XYLT1: variants seen among roughly 807,000 people sequenced by gnomAD.
XYLT1 encodes beta-D-xylosyltransferase 1.
XYLT1 carries 36 observed loss-of-function variants against 91.3 expected under a neutral mutation model. That is an observed-to-expected ratio of 0.39 (90% CI 0.30 to 0.52). The LOEUF (loss-of-function observed/expected upper bound fraction) is 0.52. Among genes scored for constraint, XYLT1 ranks in the 20% least tolerant of loss-of-function variants. XYLT1 has a pLI of 0.68. For missense variants in XYLT1, 1,242 were observed against 1,284.5 expected (o/e 0.97, Z 0.51); for synonymous variants, 588 against 532.0 (o/e 1.11, Z -1.45).
rs73523022 is a variant in XYLT1 at position 17,338,675 on chromosome 16, A to T, written c.402+19337T>A. On this transcript the variant is annotated intron_variant, in intron 2 of 11. Coordinates refer to ENST00000261381, the MANE Select transcript of XYLT1 (RefSeq NM_022166.4). ...CGCTCTGTTGCCCAGGCTGGAGTGC[A>T]GTTAGTTCAAGCAATGCTCCCGTCT... is the stretch of plus-strand genomic sequence containing the variant. 6.8e-3 allele frequency: 2,493 copies of T among 364,374 alleles called. 45 individuals are homozygous for T. Among genetic ancestry groups the T allele is most frequent in the African/African-American group, 0.044 (2,092 of 47,014 alleles). 22.6% of individuals were successfully genotyped at this position (364,374 alleles called of 1,614,324 possible).
At chr16:17,331,323 G>C (rs898398339) in intron 2 of XYLT1, among the ~76,000 whole-genome samples, 2 of 152,200 alleles carry the variant, frequency 1.3e-5, no homozygotes, top group Admixed American at 6.5e-5. Flanking sequence ...CAGAACAAGG[G>C]TGGAGGCCAT....
chr16:17,155,318 C>T (rs1287368251), intron 6 of XYLT1, among the ~76,000 whole-genome samples: 1 of 152,158 alleles, frequency 6.6e-6, no homozygotes, highest in Admixed American at 6.6e-5. Flanking sequence ...GAAAATTAAA[C>T]ATACACACAG....
intron 1 of XYLT1, among the ~76,000 whole-genome samples, chr16:17,392,623 C>A (rs2035834277): frequency 6.6e-6 from 1 of 152,100 alleles, no homozygotes; most frequent in African/African-American, 2.4e-5. Flanking sequence ...ATTCACTATG[C>A]CAAATGGGAG....
chr16:17,265,316 C>G (rs2033788547), intron 2 of XYLT1, among the ~76,000 whole-genome samples: 1 of 152,172 alleles, frequency 6.6e-6, no homozygotes, highest in Admixed American at 6.5e-5. Flanking sequence ...GGAACTCTAC[C>G]AATTAACACT....
At chr16:17,464,355 G>A (rs2036859729) in intron 1 of XYLT1, among the ~76,000 whole-genome samples, 1 of 152,004 alleles carries the variant, frequency 6.6e-6, no homozygotes, top group Non-Finnish European at 1.5e-5. Context: ...AGCCAGGTGT[G>A]GTGGCGGGTG....
In XYLT1 at chr16:17,254,399, T is replaced by C. The variant is rs576301240; in HGVS notation, c.913+4589A>G. ...TAGCTTACTTACATTTATTTATTTA[T>C]TTACAATTTTTTGTTGACAGAGTCC... is the stretch of plus-strand genomic sequence containing the variant. On this transcript the variant is annotated intron_variant, in intron 3 of 11. Transcript: ENST00000261381. Among the ~76,000 whole-genome samples, 4 of 152,358 alleles carry C rather than the reference T, an allele frequency of 2.6e-5. No individual in the cohort carries two copies. In the East Asian group the frequency reaches 5.8e-4, roughly 22 times the overall value.
chr16:17,328,023 A>C (rs1015306450), intron 2 of XYLT1, among the ~76,000 whole-genome samples: 61 of 152,192 alleles, frequency 4.0e-4, no homozygotes, highest in Middle Eastern at 3.4e-3. Flanking sequence ...GGAGGGAGAA[A>C]TTGAGTCCAC....
intron 2 of XYLT1, among the ~76,000 whole-genome samples, chr16:17,317,301 T>A (rs1028846531): frequency 2.0e-4 from 30 of 152,182 alleles, no homozygotes; most frequent in African/African-American, 7.2e-4. Context: ...CCTGGAAGAC[T>A]GGTAAATGAA....
rs10676460 is a variant in XYLT1 at position 17,161,677 on chromosome 16, G to GCTCTCTCT, written c.1290-2776_1290-2769dup. Among the ~76,000 whole-genome samples, 81 of 148,890 alleles carry GCTCTCTCT rather than the reference G, an allele frequency of 5.4e-4. 1 individual carries two copies. Among genetic ancestry groups the GCTCTCTCT allele is most frequent in the Non-Finnish European group, 5.9e-4 (40 of 67,400 alleles). On this transcript the variant is annotated intron_variant, in intron 5 of 11. Transcript: ENST00000261381. Reference sequence around the variant, plus strand: ...TTTACCCCGTTCCAGTTTCTCGCGCGCTCTCTCTCTCTCTCTCTCTCTTCC... The same window carrying GCTCTCTCT: ...TTTACCCCGTTCCAGTTTCTCGCGCGCTCTCTCTCTCTCTCTCTCTCTCTCTCTCTTCC...
At chr16:17,216,493 G>T (rs2032863273) in intron 3 of XYLT1, among the ~76,000 whole-genome samples, 1 of 152,118 alleles carries the variant, frequency 6.6e-6, no homozygotes, top group South Asian at 2.1e-4. Context: ...TGTTCTGCAG[G>T]TGCCTTCTTT....
At chr16:17,235,148 A>C (rs763949845) in intron 3 of XYLT1, among the ~76,000 whole-genome samples, 2 of 151,860 alleles carry the variant, frequency 1.3e-5, no homozygotes, top group Non-Finnish European at 2.9e-5. Flanking sequence ...TCAGTTTGGG[A>C]ATGGAGGTTA....
At chr16:17,332,226 G>A (rs529651568) in intron 2 of XYLT1, among the ~76,000 whole-genome samples, 3 of 152,292 alleles carry the variant, frequency 2.0e-5, no homozygotes, top group African/African-American at 7.2e-5. Flanking sequence ...TCCCCATAGG[G>A]TGGGAATCTA....
intron 5 of XYLT1, among the ~76,000 whole-genome samples, chr16:17,163,063 C>G (rs950642839): frequency 6.6e-6 from 1 of 152,202 alleles, no homozygotes; most frequent in Non-Finnish European, 1.5e-5. Context: ...TCTTGAACAT[C>G]AGAAGCTTAA....
chr16:17,119,120 G>A (rs1398559343), intron 10 of XYLT1, among the ~76,000 whole-genome samples: 1 of 152,170 alleles, frequency 6.6e-6, no homozygotes, highest in African/African-American at 2.4e-5. Context: ...TAAGCTCTGT[G>A]TGAACAGGGG....
At chr16:17,336,860 C>T (rs923952365) in intron 2 of XYLT1, among the ~76,000 whole-genome samples, 5 of 152,318 alleles carry the variant, frequency 3.3e-5, no homozygotes, top group East Asian at 1.9e-4. Context: ...AGAAAAAATG[C>T]TCACCCGCTT....
intron 5 of XYLT1, chr16:17,193,068 C>T (rs1011595490): frequency 6.6e-6 from 1 of 152,174 alleles, no homozygotes; most frequent in Non-Finnish European, 1.5e-5. Context: ...CTGCCTTGGC[C>T]TCCCAAAGTC....
At chr16:17,225,177 A>ACTCTCT (rs1555488928) in intron 3 of XYLT1, among the ~76,000 whole-genome samples, 10,013 of 147,400 alleles carry the variant, frequency 0.068, 540 homozygotes, top group Admixed American at 0.16. Flanking sequence ...ACACACACAC[A>ACTCTCT]CTCTCTCTCT....
In XYLT1 at chr16:17,458,284, T is replaced by G. The variant is rs1203400612; in HGVS notation, c.363+12150A>C. The stretch of plus-strand genomic sequence containing the variant: ...GAGTCTTGGTTCAGGGTTAAGTTAA[T>G]GTAGTCATTACTGGCCCATTTGGGG... On this transcript the variant is annotated intron_variant, in intron 1 of 11. Coordinates refer to ENST00000261381, the MANE Select transcript of XYLT1 (RefSeq NM_022166.4). Among the ~76,000 whole-genome samples the G allele has an allele frequency of 5.3e-5, 8 of 152,224 alleles. No individual in the cohort carries two copies. The East Asian group carries it at 1.3e-3, about 26-fold the overall frequency.
intron 2 of XYLT1, among the ~76,000 whole-genome samples, chr16:17,269,805 T>TTATTATTATTATTA (rs1433487824): frequency 2.0e-5 from 3 of 149,270 alleles, no homozygotes; most frequent in Non-Finnish European, 4.4e-5. Context: ...ATTATTATTA[T>TTATTATTATTATTA]TATTATTATT....
Sources: allele counts gnomAD v4.1 joint callset (sites outside exome capture counted in the v4.1 genomes callset), GRCh38; gene constraint gnomAD v4.1.1; transcripts MANE v1.5; gene names NCBI Gene and HGNC (gene_info 2026-07-23, HGNC 2026-07-21).